The following PRRG2 variants were observed in gnomAD, a reference collection of about 807,000 sequenced individuals.
PRRG2 encodes the protein proline rich and Gla domain 2, also known as transmembrane gamma-carboxyglutamic acid protein 2.
In PRRG2, 23 loss-of-function variants were observed where a neutral mutation model predicts 27.1. The ratio of observed to expected loss-of-function variants is 0.85; its 90% confidence interval spans 0.61 to 1.20. The LOEUF is 1.20. Among genes scored for constraint, PRRG2 ranks in the 50% most tolerant of loss-of-function variants. PRRG2 has a pLI of 0.00. For missense variants in PRRG2, 276 were observed against 254.8 expected (o/e 1.08, Z -0.57); for synonymous variants, 104 against 103.4 (o/e 1.01, Z -0.03).
intron 5 of PRRG2, among the ~76,000 whole-genome samples, 174 bp from the exon 6 acceptor site, chr19:49,589,726 G>A (rs181305097): frequency 6.6e-6 from 1 of 152,014 alleles, no homozygotes; most frequent in Admixed American, 6.5e-5. Context: ...CATTTGAGGC[G>A]CTTTTCTGTG....
chr19:49,587,960 TTTTG>T (rs1189997587), intron 4 of PRRG2, among the ~76,000 whole-genome samples: 1 of 120,766 alleles, frequency 8.3e-6, no homozygotes, highest in Non-Finnish European at 1.6e-5. Context: ...TGTTTGTTTG[TTTTG>T]TTTTTTTTTA....
At position 49,583,705 on chromosome 19, in the gene PRRG2, C is replaced by A. The variant is rs1052534195; in HGVS notation, c.249C>A (p.Asp83Glu). Residue 83 changes from aspartate to glutamate, a missense_variant, in exon 3 of 7, where the codon GAC (aspartate) becomes GAA (glutamate). Asp to Glu is a conservative substitution (Grantham distance 45, BLOSUM62 2). Coordinates refer to ENST00000246794, the MANE Select transcript of PRRG2 (RefSeq NM_000951.3). The stretch of plus-strand genomic sequence containing the variant: ...AAGAGGCCAGGGAGTATTTTGAGGA[C>A]AACACTCTCACGGTGAGGGCCTCGA... ...SWEEAREYFE[D>E]NTLTERFWES... is the part of the protein sequence containing the mutation. 4.3e-6 allele frequency: 7 copies of A among 1,613,860 alleles called. No individual in the cohort carries two copies. The African/African-American group carries it at 8.0e-5, about 18-fold the overall frequency.
At chr19:49,589,221 G>A (rs1286399331) in intron 5 of PRRG2, among the ~76,000 whole-genome samples, 2 of 148,616 alleles carry the variant, frequency 1.3e-5, no homozygotes, top group African/African-American at 2.5e-5. Flanking sequence ...TCTGCCTCCC[G>A]GGTTCAAGTG....
chr19:49,590,229 T>A, intron 6 of PRRG2, 142 bp from the exon 7 acceptor site: 6 of 1,451,692 alleles, frequency 4.1e-6, no homozygotes, highest in Non-Finnish European at 5.7e-6. Context: ...GTTGTATGTG[T>A]GGAGCCGTAT....
intron 1 of PRRG2, among the ~76,000 whole-genome samples, chr19:49,582,649 C>T (rs916300839): frequency 2.1e-4 from 32 of 151,898 alleles, no homozygotes; most frequent in African/African-American, 3.9e-4. Flanking sequence ...GGGCAGATCA[C>T]GAGGTCAGGA....
chr19:49,586,088 A>C (rs1395636583), intron 4 of PRRG2, among the ~76,000 whole-genome samples: 5 of 151,292 alleles, frequency 3.3e-5, no homozygotes, highest in Middle Eastern at 3.4e-3. Context: ...AAAAAAAAAA[A>C]AAAAAAAAAC....
chr19:49,582,674 T>C (rs2080636751), intron 1 of PRRG2, among the ~76,000 whole-genome samples: 1 of 151,916 alleles, frequency 6.6e-6, no homozygotes, highest in African/African-American at 2.4e-5. Flanking sequence ...GAGACCATCC[T>C]GACTAACACA....
Position 49,584,570 on chromosome 19 carries a change from G to A in PRRG2, c.301+618G>A, listed in dbSNP as rs571960123. Among the ~76,000 whole-genome samples the A allele has an allele frequency of 3.7e-4, 57 of 152,180 alleles. 1 individual carries two copies. Among genetic ancestry groups the A allele is most frequent in the Admixed American group, 3.7e-3 (57 of 15,262 alleles). On this transcript the variant is annotated intron_variant, in intron 4 of 6. Coordinates refer to ENST00000246794, the MANE Select transcript of PRRG2 (RefSeq NM_000951.3). ...TGCAGCCTCAACCTCCCGGGCTCAA[G>A]CGATCTTCCCACCTCAGCCTCCTGA...
At position 49,590,012 on chromosome 19, in the gene PRRG2, G is replaced by C. The variant is rs1177376759; in HGVS notation, c.550G>C (p.Ala184Pro). The change falls in exon 6 of 7, where the codon GCC (alanine) becomes CCC (proline). Residue 184 changes from alanine (A) to proline (P), a missense_variant. Ala to Pro is a conservative substitution (Grantham distance 27). Transcript: ENST00000246794. ...CCCCACCTATGAGCAGGCGCTGGCA[G>C]CCTCTGGGGTACACGACGCACCTCC... The part of the protein sequence containing the change: ...GLPTYEQALA[A>P]SGVHDAPPPP... 1 of 1,513,484 alleles carries C rather than the reference G, an allele frequency of 6.6e-7. No individual in the cohort carries two copies. The highest frequency in any genetic ancestry group is 8.8e-7 in the Non-Finnish European group (1 of 1,133,098). 93.8% of individuals were successfully genotyped at this position (1,513,484 alleles called of 1,614,324 possible).
chr19:49,587,525 G>A (rs2080680460), intron 4 of PRRG2, among the ~76,000 whole-genome samples: 1 of 126,514 alleles, frequency 7.9e-6, no homozygotes, highest in Non-Finnish European at 1.6e-5. Flanking sequence ...CACTCTTGTT[G>A]CCCAGGCTGG....
At chr19:49,586,086 A>C (rs1326008867) in intron 4 of PRRG2, among the ~76,000 whole-genome samples, 13 of 151,148 alleles carry the variant, frequency 8.6e-5, no homozygotes, top group Non-Finnish European at 1.2e-4. Context: ...AAAAAAAAAA[A>C]AAAAAAAAAA....
intron 4 of PRRG2, among the ~76,000 whole-genome samples, chr19:49,585,111 C>T (rs891604126): frequency 2.6e-5 from 4 of 152,184 alleles, no homozygotes; most frequent in African/African-American, 7.2e-5. Flanking sequence ...CCAGACCAGA[C>T]GAAGAAGCCT....
At chr19:49,590,347 C>T in intron 6 of PRRG2, 24 bp from the exon 7 acceptor site, 1 of 1,614,106 alleles carries the variant, frequency 6.2e-7, no homozygotes, top group Non-Finnish European at 8.5e-7. Flanking sequence ...TCTTTGACTC[C>T]CTAGTGTGCC....
chr19:49,584,913 C>T (rs2080657606), intron 4 of PRRG2, among the ~76,000 whole-genome samples: 1 of 152,174 alleles, frequency 6.6e-6, no homozygotes, highest in South Asian at 2.1e-4. Flanking sequence ...AAGACCAGCC[C>T]CTCCGGCAGC....
intron 4 of PRRG2, among the ~76,000 whole-genome samples, chr19:49,584,956 C>G (rs962480923): frequency 6.6e-6 from 1 of 152,180 alleles, no homozygotes; most frequent in African/African-American, 2.4e-5. Flanking sequence ...TCTAGCAACA[C>G]GACCAAGGGA....
intron 1 of PRRG2, among the ~76,000 whole-genome samples, chr19:49,582,956 A>G (rs1398255857): frequency 1.3e-5 from 2 of 151,762 alleles, no homozygotes; most frequent in Admixed American, 6.6e-5. Flanking sequence ...GCTTGAACCC[A>G]GGACACAGAG....
Position 49,589,900 on chromosome 19 carries a change from G to A in PRRG2, c.438G>A (p.Glu146=). The change falls in exon 6 of 7, where the codon GAG becomes GAA. Residue 146 remains glutamate (E), a splice_region_variant and synonymous_variant. Transcript: ENST00000246794. ...QHRGQQPCPQ[E]AGLISPLSPL... ...CTAACTGTACCTTTGCTGTCCCCAG[G>A]GCCGGGCTCATTAGCCCTCTGAGTC... 6.2e-7 allele frequency: 1 copy of A among 1,613,228 alleles called. No homozygotes were observed. The highest frequency in any genetic ancestry group is 2.2e-5 in the East Asian group (1 of 44,876).
chr19:49,582,776 G>A (rs1482440801), intron 1 of PRRG2, among the ~76,000 whole-genome samples: 1 of 152,138 alleles, frequency 6.6e-6, no homozygotes, highest in Non-Finnish European at 1.5e-5. Flanking sequence ...GCTGAGGCAG[G>A]AGAATGGCAT....
At chr19:49,582,638 C>T (rs558756131) in intron 1 of PRRG2, among the ~76,000 whole-genome samples, 7 of 152,068 alleles carry the variant, frequency 4.6e-5, no homozygotes, top group South Asian at 4.2e-4. Flanking sequence ...GAGGCTGAGG[C>T]GGGCAGATCA....
Sources: gnomAD v4.1 joint callset for allele counts (sites outside exome capture counted in the v4.1 genomes callset) on GRCh38, gnomAD v4.1.1 for gene constraint, MANE v1.5 for transcripts, NCBI Gene and HGNC (gene_info 2026-07-23, HGNC 2026-07-21) for gene names.